Variants in LMO3 observed in about 807,000 individuals in gnomAD.
LMO3 encodes the protein LIM domain only protein 3.
In LMO3, 2 loss-of-function variants were observed where a neutral mutation model predicts 15.8. The ratio of observed to expected loss-of-function variants is 0.13; its 90% CI spans 0.05 to 0.40. The LOEUF is 0.40. Ranked by LOEUF, LMO3 falls within the 10% of genes least tolerant of loss-of-function variation. The pLI is 0.99. For missense variants in LMO3, 86 were observed against 182.2 expected (o/e 0.47, Z 3.04); for synonymous variants, 62 against 63.8 (o/e 0.97, Z 0.13).
upstream of LMO3, among the ~76,000 whole-genome samples, chr12:16,608,391 A>G (rs1944069698): frequency 6.6e-6 from 1 of 152,120 alleles, no homozygotes; most frequent in Non-Finnish European, 1.5e-5. This position sits in a 1 kb window ranked among gnomAD's most constrained non-coding sequence, Gnocchi z 4.1. Context: ...TCTGTAATTC[A>G]TGGCAACTGA....
chr12:16,604,954 G>A lies in LMO3; in HGVS notation c.-9+1112C>T. The A allele has an allele frequency of 1.3e-6, 2 of 1,598,258 alleles. No homozygotes were observed. Among genetic ancestry groups the A allele is most frequent in the East Asian group, 2.2e-5 (1 of 44,868 alleles). On this transcript the variant is annotated intron_variant, in intron 1 of 3. Transcript: ENST00000537304. The surrounding 1 kb of genome is among the most constrained non-coding windows in gnomAD (Gnocchi z 5.3). ...TTGAGCACCAAACCCAAAGGTAGAAGTAGAAGGGGGTCTCCTTGATTTCGC... is the reference window on the plus strand; with the variant it reads ...TTGAGCACCAAACCCAAAGGTAGAAATAGAAGGGGGTCTCCTTGATTTCGC...
rs1943354653 is a variant in LMO3 at position 16,587,422 on chromosome 12, A to AT, written c.206+13232dup. Among the ~76,000 whole-genome samples, 1 of 152,124 alleles carries AT rather than the reference A, an allele frequency of 6.6e-6. No homozygotes were observed. The highest frequency in any genetic ancestry group is 2.4e-5 in the African/African-American group (1 of 41,426). On this transcript the variant is annotated intron_variant, in intron 2 of 3. Transcript: ENST00000537304. The surrounding 1 kb of genome is among the most constrained non-coding windows in gnomAD (Gnocchi z 4.3). ...TCTTATTGAACTGTTGCTTTCATTAATTTTCTACAGACTAGAGAGCAAGGA... is the reference window on the plus strand; with the variant it reads ...TCTTATTGAACTGTTGCTTTCATTAATTTTTCTACAGACTAGAGAGCAAGGA...
rs375612683 is a variant in LMO3, at chr12:16,584,308, C to G, written c.206+16347G>C. The stretch of plus-strand genomic sequence containing the variant: ...TGGGATTTACATGAGTAAGTAGTAC[C>G]TTGCACCTGTTGACAGCTGAAAGAA... On this transcript the variant is annotated intron_variant, in intron 2 of 3. Coordinates refer to ENST00000537304, the MANE Select transcript of LMO3 (RefSeq NM_018640.5). This position sits in a 1 kb window ranked among gnomAD's most constrained non-coding sequence, Gnocchi z 5.2. Among the ~76,000 whole-genome samples the G allele has an allele frequency of 5.3e-5, 8 of 152,242 alleles. No homozygotes were observed. The South Asian group carries it at 1.0e-3, about 20-fold the overall frequency.
At chr12:16,594,181 T>C (rs1448993282) in intron 2 of LMO3, 16 of 1,532,730 alleles carry the variant, frequency 1.0e-5, no homozygotes, top group Non-Finnish European at 1.4e-5. Context: ...TGACAAAAGG[T>C]AATGGCCATT....
At chr12:16,575,263 A>G (rs1254555465) in intron 2 of LMO3, among the ~76,000 whole-genome samples, 1 of 152,206 alleles carries the variant, frequency 6.6e-6, no homozygotes, top group East Asian at 1.9e-4. Context: ...TTTATCTTCA[A>G]AAATATAGGC....
chr12:16,603,371 A>G lies in LMO3; in HGVS notation c.-8-2503T>C, dbSNP rs946247030. On this transcript the variant is annotated intron_variant, in intron 1 of 3. Transcript: ENST00000537304. This position sits in a 1 kb window ranked among gnomAD's most constrained non-coding sequence, Gnocchi z 4.9. Reference sequence around the variant, plus strand: ...GTAGCAAAAGAACTATTTTGTAGTCACCATGTTACCGTGTACTTAAAAGGC... The same window carrying G: ...GTAGCAAAAGAACTATTTTGTAGTCGCCATGTTACCGTGTACTTAAAAGGC... Among the ~76,000 whole-genome samples the G allele has an allele frequency of 1.3e-5, 2 of 152,178 alleles. No individual in the cohort carries two copies. Among genetic ancestry groups the G allele is most frequent in the Non-Finnish European group, 2.9e-5 (2 of 68,036 alleles).
chr12:16,561,279 C>T (rs886596994), intron 2 of LMO3, among the ~76,000 whole-genome samples: 5 of 152,068 alleles, frequency 3.3e-5, no homozygotes, highest in African/African-American at 9.7e-5. Flanking sequence ...CATTTCATAA[C>T]GTGAGGAAAT....
chr12:16,558,097 G>A (rs1373413280), intron 3 of LMO3, among the ~76,000 whole-genome samples: 1 of 151,962 alleles, frequency 6.6e-6, no homozygotes, highest in Non-Finnish European at 1.5e-5. Context: ...GGTAAAAAAG[G>A]CACAAAATAT....
At chr12:16,605,197 C>G in intron 1 of LMO3, 1 of 1,330,786 alleles carries the variant, frequency 7.5e-7, no homozygotes, top group South Asian at 1.9e-5. Context: ...AAAATCCCAG[C>G]GGCCCCTTTT....
chr12:16,594,976 A>G (rs1481195963), intron 2 of LMO3, among the ~76,000 whole-genome samples: 1 of 151,546 alleles, frequency 6.6e-6, no homozygotes, highest in Non-Finnish European at 1.5e-5. Context: ...CCAGAATTCT[A>G]TGTATTTATA....
rs557207669 is a variant in LMO3, at chr12:16,580,738, CATT to C, written c.206+19914_206+19916del. Reference sequence around the variant, plus strand: ...TGGAATGATGAATAATTAGAGCAAACATTAGTAGGTTCTGGTAGAATCATGGTG... The same window carrying C: ...TGGAATGATGAATAATTAGAGCAAACAGTAGGTTCTGGTAGAATCATGGTG... On this transcript the variant is annotated intron_variant, in intron 2 of 3. Transcript: ENST00000537304. Among the ~76,000 whole-genome samples, 42 of 152,198 alleles carry C rather than the reference CATT, an allele frequency of 2.8e-4. No homozygotes were observed. In the East Asian group the frequency reaches 7.7e-3, roughly 28 times the overall value.
intron 2 of LMO3, among the ~76,000 whole-genome samples, chr12:16,594,952 A>T (rs1234224172): frequency 4.0e-5 from 6 of 151,572 alleles, no homozygotes; most frequent in Non-Finnish European, 8.9e-5. Flanking sequence ...GCAACCAAAA[A>T]TAGAAATTAT....
At chr12:16,606,980 G>C (rs1591841516), upstream of LMO3, 1 of 152,164 alleles carries the variant, frequency 6.6e-6, no homozygotes, top group East Asian at 1.9e-4. Context: ...TAAAATAAAA[G>C]CAAGAGAATC....
In LMO3 at chr12:16,604,796, G is replaced by T. The variant is rs1470110075; in HGVS notation, c.-9+1270C>A. On this transcript the variant is annotated intron_variant, in intron 1 of 3. Coordinates refer to ENST00000537304, the MANE Select transcript of LMO3 (RefSeq NM_018640.5). The surrounding 1 kb of genome is among the most constrained non-coding windows in gnomAD (Gnocchi z 5.3). ...AAGACACAAAAGCAGCGGAAAAGCA[G>T]AAAGGCTTTTGAGCGGCCAGGAGTG... 6.6e-7 allele frequency: 1 copy of T among 1,520,284 alleles called. No homozygotes were observed. Among genetic ancestry groups the T allele is most frequent in the African/African-American group, 1.4e-5 (1 of 73,170 alleles). 94.2% of individuals were successfully genotyped at this position (1,520,284 alleles called of 1,614,324 possible). A position where few individuals can be genotyped will look rare whatever the true frequency, so the allele number is the denominator to read the frequency against.
At chr12:16,606,811 C>T (rs1191656283), upstream of LMO3, 3 of 152,186 alleles carry the variant, frequency 2.0e-5, no homozygotes, top group Non-Finnish European at 4.4e-5. Context: ...TGAGGAAGGA[C>T]CCTACCTCCT....
chr12:16,594,460 C>A, intron 2 of LMO3: 1 of 433,280 alleles, frequency 2.3e-6, no homozygotes, highest in Non-Finnish European at 4.1e-6. Flanking sequence ...CCTTTGTTTT[C>A]CAGATCTTGT....
intron 2 of LMO3, among the ~76,000 whole-genome samples, chr12:16,579,700 G>A (rs1943099878): frequency 6.6e-6 from 1 of 152,156 alleles, no homozygotes; most frequent in Admixed American, 6.5e-5. Context: ...TAGGCACTCA[G>A]TAAGAATTCA....
intron 2 of LMO3, among the ~76,000 whole-genome samples, chr12:16,583,819 G>A (rs1312406254): frequency 1.3e-5 from 2 of 152,106 alleles, no homozygotes; most frequent in Non-Finnish European, 2.9e-5. Flanking sequence ...GAAGTGAAGG[G>A]GACTTGCCTG....
intron 2 of LMO3, among the ~76,000 whole-genome samples, chr12:16,561,959 G>A (rs1161261648): frequency 6.6e-6 from 1 of 152,164 alleles, no homozygotes; most frequent in Non-Finnish European, 1.5e-5. Flanking sequence ...ATAATTGTTA[G>A]ACACTTATTT....
Sources: allele counts gnomAD v4.1 joint callset (sites outside exome capture counted in the v4.1 genomes callset), GRCh38; gene constraint gnomAD v4.1.1; non-coding constraint Gnocchi (gnomAD v3.1); transcripts MANE v1.5; gene names NCBI Gene and HGNC (gene_info 2026-07-23, HGNC 2026-07-21).